The following DIS3L2 variants were observed in gnomAD, a reference collection of about 807,000 sequenced individuals.
DIS3L2 encodes the protein DIS3 like 3'-5' exoribonuclease 2, also known as DIS3-like exonuclease 2.
In DIS3L2, 34 loss-of-function variants were observed where a neutral mutation model predicts 97.5. That is an observed-to-expected ratio of 0.35 (90% CI 0.27 to 0.46). The LOEUF (loss-of-function observed/expected upper bound fraction) is 0.46, where lower values mean the gene tolerates loss of function less well. DIS3L2 is among the 20% of genes least tolerant of loss of function. The pLI, the probability that DIS3L2 is intolerant of heterozygous loss-of-function variation, is 1.00. For synonymous variants in DIS3L2, 435 were observed against 445.2 expected, an observed-to-expected ratio of 0.98 and a Z score of 0.29; for missense variants, 1,038 against 1,146.0, an observed-to-expected ratio of 0.91 and a Z score of 1.36.
At chr2:232,319,775 C>T (rs1158613074) in intron 14 of DIS3L2, among the ~76,000 whole-genome samples, 2 of 152,184 alleles carry the variant, frequency 1.3e-5, no homozygotes, top group African/African-American at 4.8e-5. Context: ...CCAGGCTGCC[C>T]TACAAGATGG....
At chr2:232,214,598 T>C (rs1296101012) in intron 10 of DIS3L2, among the ~76,000 whole-genome samples, 1 of 152,120 alleles carries the variant, frequency 6.6e-6, no homozygotes, top group Non-Finnish European at 1.5e-5. Flanking sequence ...TGTCATGGAG[T>C]CACTTCTGCT....
intron 9 of DIS3L2, among the ~76,000 whole-genome samples, chr2:232,167,819 G>A (rs1227804710): frequency 6.6e-6 from 1 of 152,168 alleles, no homozygotes; most frequent in Non-Finnish European, 1.5e-5. Context: ...GGAGGCCAAG[G>A]TGGACAGATC....
intron 9 of DIS3L2, among the ~76,000 whole-genome samples, chr2:232,183,398 C>T (rs1354066204): frequency 6.6e-6 from 1 of 152,154 alleles, no homozygotes; most frequent in Admixed American, 6.5e-5. Context: ...AGTCTCTTAG[C>T]GTTTGTTAAG....
chr2:232,142,490 C>G (rs1690088835), intron 8 of DIS3L2, among the ~76,000 whole-genome samples: 1 of 152,124 alleles, frequency 6.6e-6, no homozygotes, highest in Non-Finnish European at 1.5e-5. Context: ...TGTTAGAGGA[C>G]CTTAGATAAC....
chr2:232,012,283 A>G (rs749449296), intron 1 of DIS3L2, among the ~76,000 whole-genome samples: 16 of 152,200 alleles, frequency 1.1e-4, no homozygotes, highest in Non-Finnish European at 1.9e-4. Context: ...CCAATCAAAC[A>G]TTCCTTGTCT....
intron 13 of DIS3L2, among the ~76,000 whole-genome samples, chr2:232,287,238 A>T (rs1559193618): frequency 6.6e-6 from 1 of 152,152 alleles, no homozygotes; most frequent in Non-Finnish European, 1.5e-5. Flanking sequence ...TATTTTTTTA[A>T]CATTTAACAT....
intron 16 of DIS3L2, 64 bp from the exon 17 acceptor site, chr2:232,333,776 C>CGA: frequency 6.5e-7 from 1 of 1,528,418 alleles, no homozygotes; most frequent in South Asian, 1.3e-5. Context: ...TGGGTGGTGC[C>CGA]AGCCTTCCAG....
intron 10 of DIS3L2, among the ~76,000 whole-genome samples, chr2:232,231,656 C>G (rs1559166340): frequency 2.0e-5 from 3 of 152,260 alleles, no homozygotes; most frequent in South Asian, 4.1e-4. Context: ...GCTGGGTGCT[C>G]TCTTGCAGAC....
At chr2:232,096,042 C>A (rs1442264031) in intron 6 of DIS3L2, among the ~76,000 whole-genome samples, 5 of 147,948 alleles carry the variant, frequency 3.4e-5, no homozygotes, top group Non-Finnish European at 6.0e-5. Flanking sequence ...TTTCTTTATC[C>A]CTGACCTTTA....
At chr2:232,004,741 C>A (rs1694005503) in intron 1 of DIS3L2, among the ~76,000 whole-genome samples, 1 of 151,938 alleles carries the variant, frequency 6.6e-6, no homozygotes, top group African/African-American at 2.4e-5. Context: ...GCTACCACAC[C>A]CAGCTAATTT....
chr2:232,028,485 C>T (rs76668179), intron 4 of DIS3L2, among the ~76,000 whole-genome samples: 2,404 of 152,236 alleles, frequency 0.016, 32 homozygotes, highest in Non-Finnish European at 0.025. Flanking sequence ...CAACTCAGCC[C>T]TGCTTTCCTT....
intron 5 of DIS3L2, among the ~76,000 whole-genome samples, chr2:232,062,503 A>ATTGT (rs1695740646): frequency 1.3e-5 from 2 of 152,132 alleles, no homozygotes; most frequent in African/African-American, 4.8e-5. Flanking sequence ...TTATTGTTCA[A>ATTGT]ACTGCCCCTG....
intron 12 of DIS3L2, among the ~76,000 whole-genome samples, chr2:232,255,132 A>G (rs529030026): frequency 2.0e-5 from 3 of 152,354 alleles, no homozygotes; most frequent in Non-Finnish European, 4.4e-5. Context: ...CTGGGGGAAC[A>G]AAGTTCGGAA....
At chr2:232,048,343 A>G (rs903523331) in intron 5 of DIS3L2, among the ~76,000 whole-genome samples, 1 of 151,992 alleles carries the variant, frequency 6.6e-6, no homozygotes, top group Non-Finnish European at 1.5e-5. Flanking sequence ...TCTATCTCCT[A>G]GATTGTGAAT....
intron 6 of DIS3L2, among the ~76,000 whole-genome samples, chr2:232,092,352 C>T (rs1007384550): frequency 2.0e-5 from 3 of 152,080 alleles, no homozygotes; most frequent in Admixed American, 6.6e-5. Context: ...CTGATTCCTC[C>T]AGTTTTGTTC....
At chr2:232,185,705 C>A (rs1261500562) in intron 9 of DIS3L2, among the ~76,000 whole-genome samples, 1 of 152,118 alleles carries the variant, frequency 6.6e-6, no homozygotes, top group Non-Finnish European at 1.5e-5. Context: ...CCAAAATTAG[C>A]TGAGTGTGGT....
At chr2:232,302,989 C>T (rs970311782) in intron 14 of DIS3L2, among the ~76,000 whole-genome samples, 5 of 152,086 alleles carry the variant, frequency 3.3e-5, no homozygotes, top group South Asian at 2.1e-4. Context: ...GCTCTCTGGC[C>T]GGGATATCAT....
downstream of DIS3L2, among the ~76,000 whole-genome samples, chr2:232,339,012 C>T (rs1696051939): frequency 6.6e-6 from 1 of 152,232 alleles, no homozygotes; most frequent in Admixed American, 6.5e-5. Flanking sequence ...TGGCGATGCT[C>T]AGAAGCCAGT....
intron 9 of DIS3L2, among the ~76,000 whole-genome samples, chr2:232,189,711 A>G (rs1410928543): frequency 6.6e-6 from 1 of 152,164 alleles, no homozygotes; most frequent in African/African-American, 2.4e-5. Flanking sequence ...ATACACCCAA[A>G]TGAGTATGAG....
Sources: gnomAD v4.1 joint callset for allele counts (sites outside exome capture counted in the v4.1 genomes callset) on GRCh38, gnomAD v4.1.1 for gene constraint, MANE v1.5 for transcripts, NCBI Gene and HGNC (gene_info 2026-07-23, HGNC 2026-07-21) for gene names.